AGAP1: variants seen among roughly 807,000 people sequenced by gnomAD.
The protein encoded by AGAP1 is ArfGAP with GTPase domain, ankyrin repeat and PH domain 1.
AGAP1 carries 29 observed loss-of-function variants against 105.3 expected under a neutral mutation model. The ratio of observed to expected loss-of-function variants is 0.28; its 90% confidence interval spans 0.21 to 0.38. The LOEUF (loss-of-function observed/expected upper bound fraction) is 0.38. Among genes scored for constraint, AGAP1 ranks in the 10% least tolerant of loss-of-function variants. The pLI is 1.00. For synonymous variants in AGAP1, 509 were observed against 485.9 expected (o/e 1.05, Z -0.63); for missense variants, 998 against 1,165.1 (o/e 0.86, Z 2.09).
intron 12 of AGAP1, among the ~76,000 whole-genome samples, chr2:235,933,312 G>C (rs1046518585): frequency 2.3e-4 from 35 of 152,116 alleles, no homozygotes; most frequent in African/African-American, 8.2e-4. Context: ...GAATAGCCAC[G>C]AGCCGCAGTG....
chr2:235,715,837 T>G (rs947604323), intron 2 of AGAP1, among the ~76,000 whole-genome samples: 6 of 152,034 alleles, frequency 3.9e-5, no homozygotes, highest in African/African-American at 1.4e-4. Flanking sequence ...TTCCAGCCAC[T>G]GGGAGTCGGG....
rs1450968414 is a variant in AGAP1, at chr2:236,046,239, G to A, written c.1892-2820G>A. Among the ~76,000 whole-genome samples the A allele has an allele frequency of 6.6e-6, 1 of 152,188 alleles. No homozygotes were observed. Among genetic ancestry groups the A allele is most frequent in the Non-Finnish European group, 1.5e-5 (1 of 68,024 alleles). ...CCCCACAGCACTCGGTGATGGGCTG[G>A]ATGCTGGGACATAAGGGAGCAGGAG... On this transcript the variant is annotated intron_variant, in intron 15 of 17. Transcript: ENST00000304032. This position sits in a 1 kb window ranked among gnomAD's most constrained non-coding sequence, Gnocchi z 5.2.
In AGAP1 at chr2:236,090,521, C is replaced by G. The variant is rs192517174; in HGVS notation, c.2115-29671C>G. ...GGGAGGGAACAGAGGCATGGAAAAG[C>G]AAACGGGCTTTGCCAAGCGAGTGAG... is the stretch of plus-strand genomic sequence containing the variant. On this transcript the variant is annotated intron_variant, in intron 16 of 17. Transcript: ENST00000304032. This position sits in a 1 kb window ranked among gnomAD's most constrained non-coding sequence, Gnocchi z 4.3. Among the ~76,000 whole-genome samples the G allele has an allele frequency of 2.1e-3, 313 of 152,246 alleles. 1 individual carries two copies. Among genetic ancestry groups the G allele is most frequent in the South Asian group, 0.014 (66 of 4,818 alleles).
Position 236,098,620 on chromosome 2 carries a change from C to CTTTTTTTTTTTTTTTTTTTTTTTTTTT in AGAP1, c.2115-21553_2115-21552insTTTTTTTTTTTTTTTTTTTTTTTTTTT, listed in dbSNP as rs34419216. Among the ~76,000 whole-genome samples, 46 of 115,222 alleles carry CTTTTTTTTTTTTTTTTTTTTTTTTTTT rather than the reference C, an allele frequency of 4.0e-4. 1 individual carries two copies. The highest frequency in any genetic ancestry group is 5.8e-4 in the African/African-American group (15 of 25,784). 75.6% of individuals were successfully genotyped at this position (115,222 alleles called of 152,430 possible). On this transcript the variant is annotated intron_variant, in intron 16 of 17. Transcript: ENST00000304032. Reference sequence around the variant, plus strand: ...GCTGACTTGATGAAATCTTTTTTTCCTTTTTTTTTTTTTTTTTTTAGAGAA... The same window carrying CTTTTTTTTTTTTTTTTTTTTTTTTTTT: ...GCTGACTTGATGAAATCTTTTTTTCCTTTTTTTTTTTTTTTTTTTTTTTTTTTTTTTTTTTTTTTTTTTTTTAGAGAA...
chr2:235,737,152 A>G lies in AGAP1; in HGVS notation c.311-3811A>G, dbSNP rs750339827. On this transcript the variant is annotated intron_variant, in intron 3 of 17. Coordinates refer to ENST00000304032, the MANE Select transcript of AGAP1 (RefSeq NM_001037131.3). This position sits in a 1 kb window ranked among gnomAD's most constrained non-coding sequence, Gnocchi z 4.5. ...TTTTGAAAATCTCCCCAGTAAAGAC[A>G]TTCTTGCTTTCATACAACCTGGCTG... Among the ~76,000 whole-genome samples, 29 of 152,204 alleles carry G rather than the reference A, an allele frequency of 1.9e-4. No homozygotes were observed. Among genetic ancestry groups the G allele is most frequent in the Non-Finnish European group, 3.7e-4 (25 of 68,036 alleles).
At chr2:236,011,569 A>G (rs1376076353) in intron 13 of AGAP1, among the ~76,000 whole-genome samples, 4 of 152,218 alleles carry the variant, frequency 2.6e-5, no homozygotes, top group Non-Finnish European at 5.9e-5. Flanking sequence ...CACTAACGGA[A>G]TGCTCACACC....
chr2:236,007,267 G>A (rs1032355972), intron 13 of AGAP1, among the ~76,000 whole-genome samples: 2 of 152,188 alleles, frequency 1.3e-5, no homozygotes, highest in Non-Finnish European at 2.9e-5. Context: ...GTCCTTAAAT[G>A]GAAAAGCTAA....
At chr2:235,624,352 T>C (rs1946573343) in intron 1 of AGAP1, among the ~76,000 whole-genome samples, 1 of 152,224 alleles carries the variant, frequency 6.6e-6, no homozygotes, top group African/African-American at 2.4e-5. Context: ...CATCTGGATC[T>C]CTTTCCTCCG....
chr2:235,580,399 C>T (rs1460000218), intron 1 of AGAP1, among the ~76,000 whole-genome samples: 2 of 144,718 alleles, frequency 1.4e-5, no homozygotes, highest in African/African-American at 2.5e-5. Context: ...TCTTCATTTT[C>T]TTGCATCTCC....
intron 11 of AGAP1, among the ~76,000 whole-genome samples, chr2:235,926,194 A>G (rs114205209): frequency 1.3e-5 from 2 of 152,368 alleles, no homozygotes; most frequent in Non-Finnish European, 2.9e-5. Flanking sequence ...CTCTGTATGC[A>G]TATCTGTATC....
rs542166368 is a variant in AGAP1 at position 235,712,661 on chromosome 2, G to A, written c.222+3424G>A. Reference sequence around the variant, plus strand: ...CTTTGGCCTTGTGATGTGAAGGGCCGAGTATGGGTTCCAACGCACTTCATG... The same window carrying A: ...CTTTGGCCTTGTGATGTGAAGGGCCAAGTATGGGTTCCAACGCACTTCATG... On this transcript the variant is annotated intron_variant, in intron 2 of 17. Transcript: ENST00000304032. This position sits in a 1 kb window ranked among gnomAD's most constrained non-coding sequence, Gnocchi z 6.0. 5.9e-5 allele frequency among the ~76,000 whole-genome samples: 9 copies of A among 152,330 alleles called. No homozygotes were observed. Among genetic ancestry groups the A allele is most frequent in the Non-Finnish European group, 8.8e-5 (6 of 68,026 alleles).
chr2:235,602,573 T>G (rs2149237980), intron 1 of AGAP1, among the ~76,000 whole-genome samples: 1 of 152,328 alleles, frequency 6.6e-6, no homozygotes, highest in South Asian at 2.1e-4. Context: ...CTTCCTGCAT[T>G]TTGCCCTTCC....
chr2:235,513,863 C>A (rs6746683), intron 1 of AGAP1, among the ~76,000 whole-genome samples: 70,131 of 151,992 alleles, frequency 0.46, 16,960 homozygotes, highest in Admixed American at 0.57. Flanking sequence ...AGGTTGGAGT[C>A]CTTTCTTAGT....
rs191182508 is a variant in AGAP1 at position 235,612,870 on chromosome 2, C to G, written c.164-96309C>G. Among the ~76,000 whole-genome samples the G allele has an allele frequency of 1.8e-3, 279 of 152,274 alleles. 2 individuals carry two copies. Among genetic ancestry groups the G allele is most frequent in the Admixed American group, 3.7e-3 (57 of 15,298 alleles). ...CTGGCTTCTGCTTCCAGTGAGACTCCGCCCAGGTTATGTTTGTGGCCTTTT... is the reference window on the plus strand; with the variant it reads ...CTGGCTTCTGCTTCCAGTGAGACTCGGCCCAGGTTATGTTTGTGGCCTTTT... On this transcript the variant is annotated intron_variant, in intron 1 of 17. Transcript: ENST00000304032. The surrounding 1 kb of genome is among the most constrained non-coding windows in gnomAD (Gnocchi z 4.3).
rs376659859 is a variant in AGAP1, at chr2:236,054,501, G to A, written c.2114+5220G>A. Among the ~76,000 whole-genome samples, 1,084 of 148,606 alleles carry A rather than the reference G, an allele frequency of 7.3e-3. 9 individuals are homozygous for A. Among genetic ancestry groups the A allele is most frequent in the African/African-American group, 0.025 (1,026 of 40,300 alleles). On this transcript the variant is annotated intron_variant, in intron 16 of 17. Coordinates refer to ENST00000304032, the MANE Select transcript of AGAP1 (RefSeq NM_001037131.3). ...TTCTTAAAAAAAAAAAAAAAAAAAG[G>A]GAGGGGGAGAAAGGAGAAAAAAAAT...
chr2:235,585,794 C>T (rs1177961792), intron 1 of AGAP1, among the ~76,000 whole-genome samples: 4 of 152,136 alleles, frequency 2.6e-5, no homozygotes, highest in African/African-American at 7.2e-5. Flanking sequence ...CACCCACCAC[C>T]GTCTTACCTT....
chr2:235,666,230 G>A (rs1575071109), intron 1 of AGAP1, among the ~76,000 whole-genome samples: 1 of 152,068 alleles, frequency 6.6e-6, no homozygotes, highest in African/African-American at 2.4e-5. Context: ...AAAAAATGGT[G>A]ATATGCTCCA....
chr2:235,807,211 A>G, intron 8 of AGAP1, 28 bp from the exon 9 acceptor site: 2 of 1,606,206 alleles, frequency 1.2e-6, no homozygotes, highest in Non-Finnish European at 1.7e-6. Flanking sequence ...GCCCTTACCC[A>G]GATGCCAACT....
rs987108765 is a variant in AGAP1 at position 235,741,955 on chromosome 2, A to G, written c.396+907A>G. ...TTTTTAGTAGAGATGGAGTTTCACC[A>G]TGTTAGCCAGGATGGTCTCGATCTC... is the stretch of plus-strand genomic sequence containing the variant. On this transcript the variant is annotated intron_variant, in intron 4 of 17. Transcript: ENST00000304032. This position sits in a 1 kb window ranked among gnomAD's most constrained non-coding sequence, Gnocchi z 4.9. 6.6e-6 allele frequency among the ~76,000 whole-genome samples: 1 copy of G among 151,830 alleles called. No homozygotes were observed. Among genetic ancestry groups the G allele is most frequent in the Non-Finnish European group, 1.5e-5 (1 of 67,944 alleles).
Sources: allele counts gnomAD v4.1 joint callset (sites outside exome capture counted in the v4.1 genomes callset), GRCh38; gene constraint gnomAD v4.1.1; non-coding constraint Gnocchi (gnomAD v3.1); transcripts MANE v1.5; gene names NCBI Gene and HGNC (gene_info 2026-07-23, HGNC 2026-07-21).